Variants in RELN observed in about 807,000 individuals in gnomAD.
RELN encodes reelin.
A neutral mutation model predicts 427.6 loss-of-function variants in RELN; 108 were observed. The ratio of observed to expected loss-of-function variants is 0.25; its 90% CI spans 0.22 to 0.30. RELN has a LOEUF of 0.30. Among genes scored for constraint, RELN ranks in the 10% least tolerant of loss-of-function variants. The pLI, the probability that RELN is intolerant of heterozygous loss-of-function variation, is 1.00. For missense variants in RELN, 3,715 were observed against 4,302.8 expected (o/e 0.86, Z 3.82); for synonymous variants, 1,524 against 1,513.4 (o/e 1.01, Z -0.16).
intron 3 of RELN, among the ~76,000 whole-genome samples, chr7:103,828,190 T>A (rs1793187980): frequency 6.6e-6 from 1 of 152,016 alleles, no homozygotes; most frequent in Non-Finnish European, 1.5e-5. Context: ...CACCAAAAAT[T>A]AAAGGCATCT....
chr7:103,485,920 T>TA (rs1828423435), intron 61 of RELN, among the ~76,000 whole-genome samples: 1 of 152,248 alleles, frequency 6.6e-6, no homozygotes, highest in African/African-American at 2.4e-5. Context: ...AACCATTTTT[T>TA]AAAATATTTG....
At chr7:103,755,987 A>G (rs1791141287) in intron 4 of RELN, among the ~76,000 whole-genome samples, 1 of 152,182 alleles carries the variant, frequency 6.6e-6, no homozygotes, top group African/African-American at 2.4e-5. Flanking sequence ...AACTGGTTAA[A>G]TTAAATGTAG....
At chr7:103,919,062 G>A (rs1165492363) in intron 1 of RELN, among the ~76,000 whole-genome samples, 1 of 151,314 alleles carries the variant, frequency 6.6e-6, no homozygotes, top group African/African-American at 2.4e-5. Flanking sequence ...TCTTTTGACA[G>A]TGGAATAAGC....
intron 46 of RELN, among the ~76,000 whole-genome samples, chr7:103,524,091 AACAG>A (rs908507663): frequency 1.3e-5 from 2 of 152,212 alleles, no homozygotes; most frequent in African/African-American, 4.8e-5. Context: ...CCTTGTAAAA[AACAG>A]ACAGTCAGAA....
In RELN at chr7:103,568,139, A is replaced by T. The variant is rs1389569211; in HGVS notation, c.4589-1380T>A. Among the ~76,000 whole-genome samples the T allele has an allele frequency of 2.6e-5, 4 of 152,172 alleles. No individual in the cohort carries two copies. The South Asian group carries it at 8.3e-4, about 31-fold the overall frequency. On this transcript the variant is annotated intron_variant, in intron 31 of 64. Transcript: ENST00000428762. ...AAAATTATAATTTTTTTTGCTATAC[A>T]CAACCTTTCTGTTTCCCTATTCTTG...
At chr7:103,942,547 AAGC>A (rs1318760381) in intron 1 of RELN, among the ~76,000 whole-genome samples, 3 of 152,182 alleles carry the variant, frequency 2.0e-5, no homozygotes, top group African/African-American at 7.2e-5. Context: ...AAAATCTAAG[AAGC>A]AGAATTCCCG....
intron 1 of RELN, among the ~76,000 whole-genome samples, chr7:103,957,835 C>G (rs916879613): frequency 5.3e-5 from 8 of 152,152 alleles, no homozygotes; most frequent in Non-Finnish European, 4.4e-5. Context: ...GCAAAAAAAT[C>G]CTCATGAAGG....
chr7:103,478,170 T>C (rs1828101968), intron 64 of RELN, among the ~76,000 whole-genome samples: 2 of 152,200 alleles, frequency 1.3e-5, no homozygotes, highest in Admixed American at 6.5e-5. Context: ...TGCCCTATAT[T>C]GTATATATTA....
chr7:103,805,843 G>A (rs1366495599), intron 3 of RELN, among the ~76,000 whole-genome samples: 2 of 152,160 alleles, frequency 1.3e-5, no homozygotes, highest in Admixed American at 6.6e-5. Flanking sequence ...TAACAAGGAG[G>A]GGCTAGAGAG....
intron 2 of RELN, among the ~76,000 whole-genome samples, chr7:103,857,860 A>G (rs912378983): frequency 1.3e-5 from 2 of 152,156 alleles, no homozygotes; most frequent in South Asian, 2.1e-4. Flanking sequence ...GCAGGGAAGG[A>G]ATTGGGGGAA....
chr7:103,800,041 GC>G (rs1792405858), intron 3 of RELN, among the ~76,000 whole-genome samples: 1 of 152,144 alleles, frequency 6.6e-6, no homozygotes, highest in African/African-American at 2.4e-5. Flanking sequence ...TACTGAATGG[GC>G]AAAAACTGGA....
At chr7:103,916,082 C>T (rs181239079) in intron 2 of RELN, among the ~76,000 whole-genome samples, 6 of 152,174 alleles carry the variant, frequency 3.9e-5, no homozygotes, top group Admixed American at 3.3e-4. Context: ...TGAATGACTT[C>T]GAGGTTTCCT....
chr7:103,950,964 T>C lies in RELN; in HGVS notation c.227-33779A>G, dbSNP rs549090419. 3.9e-4 allele frequency among the ~76,000 whole-genome samples: 59 copies of C among 152,352 alleles called. 1 individual carries two copies. The highest frequency in any genetic ancestry group is 3.4e-3 in the Middle Eastern group (1 of 294). On this transcript the variant is annotated intron_variant, in intron 1 of 64. Transcript: ENST00000428762. ...TGTTGTTTGAGACAGAGTCTCGCTCTGTCGCCCAGGCTGGAGTGCAGTGGC... is the reference window on the plus strand; with the variant it reads ...TGTTGTTTGAGACAGAGTCTCGCTCCGTCGCCCAGGCTGGAGTGCAGTGGC...
At chr7:103,712,231 C>T (rs1414346119) in intron 8 of RELN, among the ~76,000 whole-genome samples, 1 of 152,124 alleles carries the variant, frequency 6.6e-6, no homozygotes, top group Admixed American at 6.5e-5. Context: ...GTGCAGTAGC[C>T]TATTTACCGT....
At chr7:103,800,804 T>C (rs1792443877) in intron 3 of RELN, among the ~76,000 whole-genome samples, 2 of 152,068 alleles carry the variant, frequency 1.3e-5, no homozygotes, top group African/African-American at 4.8e-5. Context: ...ACCTACAGAA[T>C]GGGAGAAAAT....
rs1461335381 is a variant in RELN, at chr7:103,977,839, C to T, written c.226+11292G>A. ...CTGGCAAGCAGAGTACCCTGACACA[C>T]CTGCCACTCTCCAAAATGGCAGCTA... is the stretch of plus-strand genomic sequence containing the variant. On this transcript the variant is annotated intron_variant, in intron 1 of 64. Coordinates refer to ENST00000428762, the MANE Select transcript of RELN (RefSeq NM_005045.4). 3.3e-5 allele frequency among the ~76,000 whole-genome samples: 5 copies of T among 152,288 alleles called. No homozygotes were observed. The East Asian group carries it at 9.6e-4, about 29-fold the overall frequency.
chr7:103,733,662 T>G (rs926204765), intron 6 of RELN, among the ~76,000 whole-genome samples: 1 of 133,802 alleles, frequency 7.5e-6, no homozygotes, highest in African/African-American at 2.9e-5. Flanking sequence ...AAATTTGAAA[T>G]CATCATTCTC....
intron 4 of RELN, among the ~76,000 whole-genome samples, chr7:103,767,246 AG>A (rs1371658575): frequency 7.2e-5 from 11 of 152,320 alleles, no homozygotes; most frequent in African/African-American, 2.6e-4. Flanking sequence ...CAAGGTTTTC[AG>A]GGAATTTAGG....
chr7:103,613,338 C>T (rs1306313451), intron 20 of RELN, among the ~76,000 whole-genome samples: 1 of 152,090 alleles, frequency 6.6e-6, no homozygotes, highest in East Asian at 1.9e-4. Flanking sequence ...AGTGAATTTA[C>T]AAATCACTAA....
Sources: allele counts gnomAD v4.1 joint callset (sites outside exome capture counted in the v4.1 genomes callset), GRCh38; gene constraint gnomAD v4.1.1; transcripts MANE v1.5; gene names NCBI Gene and HGNC (gene_info 2026-07-23, HGNC 2026-07-21).